Variants in CCZ1 observed in about 807,000 individuals in gnomAD.
The protein encoded by CCZ1 is vacuolar fusion protein CCZ1 homolog.
CCZ1 carries 19 observed loss-of-function variants against 57.8 expected under a neutral mutation model. That is an observed-to-expected ratio of 0.33 (90% CI 0.23 to 0.48). The LOEUF (loss-of-function observed/expected upper bound fraction) is 0.48, where lower values mean the gene tolerates loss of function less well. Among genes scored for constraint, CCZ1 ranks in the 20% least tolerant of loss-of-function variants. CCZ1 has a pLI of 0.99. For synonymous variants in CCZ1, 81 were observed against 167.0 expected (o/e 0.49, Z 3.97); for missense variants, 200 against 492.0 (o/e 0.41, Z 5.61).
At position 5,902,761 on chromosome 7, in the gene CCZ1, T is replaced by A; in HGVS notation, c.522+17T>A. 1 of 1,588,958 alleles carries A rather than the reference T, an allele frequency of 6.3e-7. No individual in the cohort carries two copies. The highest frequency in any genetic ancestry group is 8.5e-7 in the Non-Finnish European group (1 of 1,175,130). The stretch of plus-strand genomic sequence containing the variant: ...TTCCATCGGGTAAGTATTTTGAATT[T>A]CATTTATAACTTTAGTAAGCATTCA... On this transcript the variant is annotated intron_variant, in intron 6 of 14. Transcript: ENST00000325974.
At chr7:5,906,282 A>C (rs1781818104) in intron 7 of CCZ1, among the ~76,000 whole-genome samples, 1 of 145,024 alleles carries the variant, frequency 6.9e-6, no homozygotes, top group Non-Finnish European at 1.5e-5. Flanking sequence ...GGGACCCTCA[A>C]GTTTTATGTT....
At chr7:5,899,334 G>GTGTGTGTGTGTGTGT (rs1562536429) in intron 1 of CCZ1, among the ~76,000 whole-genome samples, 2 of 12,556 alleles carry the variant, frequency 1.6e-4, no homozygotes, top group East Asian at 1.5e-3. Context: ...TCGGGAGGGG[G>GTGTGTGTGTGTGTGT]GTGTGTGTGT....
intron 6 of CCZ1, among the ~76,000 whole-genome samples, chr7:5,904,162 G>C (rs1248658748): frequency 8.9e-6 from 1 of 111,832 alleles, no homozygotes; most frequent in African/African-American, 3.7e-5. Flanking sequence ...GTGTGATCTT[G>C]GCTCACTGCA....
rs1262650175 is a variant in CCZ1, at chr7:5,900,469, G to A, written c.219-4G>A. 6.3e-7 allele frequency: 1 copy of A among 1,596,182 alleles called. No individual in the cohort carries two copies. Reference sequence around the variant, plus strand: ...TCCCAAACATATTTTTTTAACCTTTGTAGGACATTTAGCCCATCAAAACCT... The same window carrying A: ...TCCCAAACATATTTTTTTAACCTTTATAGGACATTTAGCCCATCAAAACCT... On this transcript the variant is annotated splice_polypyrimidine_tract_variant and splice_region_variant and intron_variant, in intron 2 of 14. Transcript: ENST00000325974.
chr7:5,922,956 G>A (rs1443986269), intron 12 of CCZ1, among the ~76,000 whole-genome samples: 1 of 149,688 alleles, frequency 6.7e-6, no homozygotes, highest in African/African-American at 2.5e-5. Context: ...TGTCATTTTG[G>A]TGGGAAAGCA....
intron 7 of CCZ1, among the ~76,000 whole-genome samples, chr7:5,909,088 G>GA (rs1781903580): frequency 7.4e-6 from 1 of 135,764 alleles, no homozygotes; most frequent in African/African-American, 2.7e-5. Context: ...TTCAACCAGC[G>GA]AGTCCAATCC....
chr7:5,902,239 A>G (rs1583180887), intron 5 of CCZ1: 5 of 191,788 alleles, frequency 2.6e-5, no homozygotes, highest in Middle Eastern at 2.3e-3. Context: ...TCGAGGCTGC[A>G]GTGAACTGTG....
chr7:5,908,158 T>C (rs1185601166), intron 7 of CCZ1, among the ~76,000 whole-genome samples: 1 of 143,542 alleles, frequency 7.0e-6, no homozygotes, highest in Non-Finnish European at 1.5e-5. Context: ...CCAAAGCTGT[T>C]ATATTAAATA....
rs748167388 is a variant in CCZ1, at chr7:5,906,599, A to G, written c.698+1330A>G. ...AGGCCTCCCAAGGTGCCTCGATTAC[A>G]GGTGTGAGCCACTGCACCTGGCCTA... is the stretch of plus-strand genomic sequence containing the variant. On this transcript the variant is annotated intron_variant, in intron 7 of 14. Transcript: ENST00000325974. 7.4e-5 allele frequency among the ~76,000 whole-genome samples: 11 copies of G among 148,738 alleles called. 1 individual carries two copies. Among genetic ancestry groups the G allele is most frequent in the Non-Finnish European group, 1.3e-4 (9 of 67,694 alleles).
intron 9 of CCZ1, 143 bp from the exon 10 acceptor site, chr7:5,912,700 A>G (rs28527277): frequency 0.14 from 130,843 of 929,854 alleles, 8,246 homozygotes; most frequent in Middle Eastern, 0.17. Context: ...ACGCCCAGCC[A>G]GCATATTCTG....
intron 9 of CCZ1, 25 bp from the exon 10 acceptor site, chr7:5,912,818 A>G (rs1286620549): frequency 5.0e-6 from 5 of 994,022 alleles, no homozygotes; most frequent in Non-Finnish European, 8.1e-6. Flanking sequence ...CGTTGAATCA[A>G]GTCATGTCTG....
chr7:5,910,885 G>A (rs1188848028), intron 8 of CCZ1, among the ~76,000 whole-genome samples: 1 of 146,880 alleles, frequency 6.8e-6, no homozygotes, highest in African/African-American at 2.5e-5. Flanking sequence ...ATAGGCACCT[G>A]CCACCATGCC....
At position 5,901,626 on chromosome 7, in the gene CCZ1, T is replaced by C. The variant is rs775369207; in HGVS notation, c.391-31T>C. Reference sequence around the variant, plus strand: ...AGTAGACATTGTTTTTCCCTTGAACTGAGCTGTGTGCTGTGTTTTCGCGTC... The same window carrying C: ...AGTAGACATTGTTTTTCCCTTGAACCGAGCTGTGTGCTGTGTTTTCGCGTC... On this transcript the variant is annotated intron_variant, in intron 4 of 14. Coordinates refer to ENST00000325974, the MANE Select transcript of CCZ1 (RefSeq NM_015622.6). The C allele has an allele frequency of 1.3e-5, 21 of 1,585,280 alleles. 2 individuals are homozygous for C. In the South Asian group the frequency reaches 2.1e-4, roughly 16 times the overall value.
At chr7:5,907,226 T>G (rs1375673022) in intron 7 of CCZ1, among the ~76,000 whole-genome samples, 3 of 149,524 alleles carry the variant, frequency 2.0e-5, no homozygotes, top group Non-Finnish European at 4.4e-5. Flanking sequence ...TCAGCTATAG[T>G]TGCTTTCTGT....
intron 7 of CCZ1, among the ~76,000 whole-genome samples, chr7:5,905,902 C>CTTTTTTTTTTTTTTTTTT (rs148585423): frequency 2.2e-5 from 2 of 93,012 alleles, no homozygotes; most frequent in Non-Finnish European, 3.9e-5. Context: ...ATTTTTATAC[C>CTTTTTTTTTTTTTTTTTT]TTTTTTTTTT....
chr7:5,907,940 GAAA>G (rs11325816), intron 7 of CCZ1, among the ~76,000 whole-genome samples: 1 of 137,222 alleles, frequency 7.3e-6, no homozygotes, highest in Non-Finnish European at 1.5e-5. Context: ...ACAAAAAATG[GAAA>G]AAAAAAAAAA....
At chr7:5,905,872 T>C (rs1321511631) in intron 7 of CCZ1, among the ~76,000 whole-genome samples, 4 of 111,328 alleles carry the variant, frequency 3.6e-5, no homozygotes, top group Non-Finnish European at 5.5e-5. Flanking sequence ...TTTTTTTTTT[T>C]CTGAAATGAT....
Position 5,911,524 on chromosome 7 carries a change from G to A in CCZ1, c.781-337G>A, listed in dbSNP as rs563477032. Among the ~76,000 whole-genome samples, 12 of 148,812 alleles carry A rather than the reference G, an allele frequency of 8.1e-5. 1 individual carries two copies. In the South Asian group the frequency reaches 2.6e-3, roughly 33 times the overall value. ...TGCCCAGGCTATTCTCAAACTCCTG[G>A]GCTCAAGTAATCTGCCTGCCTTGGC... is the stretch of plus-strand genomic sequence containing the variant. On this transcript the variant is annotated intron_variant, in intron 8 of 14. Transcript: ENST00000325974.
chr7:5,913,171 T>G (rs1222809153), intron 10 of CCZ1, among the ~76,000 whole-genome samples: 11 of 147,778 alleles, frequency 7.4e-5, no homozygotes. Flanking sequence ...AGGAACTGTT[T>G]AAGATTGTGA....
Sources: gnomAD v4.1 joint callset for allele counts (sites outside exome capture counted in the v4.1 genomes callset) on GRCh38, gnomAD v4.1.1 for gene constraint, MANE v1.5 for transcripts, NCBI Gene and HGNC (gene_info 2026-07-23, HGNC 2026-07-21) for gene names.